Variants in RBFOX1 observed in about 807,000 individuals in gnomAD.
The protein encoded by RBFOX1 is RNA binding protein fox-1 homolog 1.
RBFOX1 carries 8 observed loss-of-function variants against 57.7 expected under a neutral mutation model. The observed-to-expected ratio is 0.14, with a 90% confidence interval of 0.08 to 0.25. The LOEUF (loss-of-function observed/expected upper bound fraction) is 0.25, where lower values mean the gene tolerates loss of function less well. RBFOX1 is among the 10% of genes least tolerant of loss of function. RBFOX1 has a pLI of 1.00. For missense variants in RBFOX1, 611 were observed against 548.5 expected (o/e 1.11, Z -1.14); for synonymous variants, 326 against 222.4 (o/e 1.47, Z -4.15).
chr16:6,381,593 C>G (rs1230989758), intron 2 of RBFOX1, among the ~76,000 whole-genome samples: 2 of 152,172 alleles, frequency 1.3e-5, no homozygotes, highest in African/African-American at 4.8e-5. Context: ...AAGGTCTTGC[C>G]TTTACCTATT....
intron 4 of RBFOX1, among the ~76,000 whole-genome samples, chr16:7,123,401 C>G (rs554320507): frequency 5.9e-5 from 9 of 152,228 alleles, no homozygotes; most frequent in South Asian, 2.1e-4. Context: ...GGCTTCCTCT[C>G]TTGCCCAGGC....
chr16:6,103,074 A>AAAT (rs2096334028), intron 1 of RBFOX1, among the ~76,000 whole-genome samples: 1 of 152,186 alleles, frequency 6.6e-6, no homozygotes, highest in Non-Finnish European at 1.5e-5. Context: ...TCGAAGTTGG[A>AAAT]CACTTGTTGG....
intron 4 of RBFOX1, among the ~76,000 whole-genome samples, chr16:7,437,511 A>C (rs1391700288): frequency 6.6e-6 from 1 of 152,230 alleles, no homozygotes; most frequent in African/African-American, 2.4e-5. Flanking sequence ...ATTAGAGCCA[A>C]GCTGCAGAGT....
At chr16:7,350,920 A>G (rs377352001) in intron 4 of RBFOX1, among the ~76,000 whole-genome samples, 2 of 152,306 alleles carry the variant, frequency 1.3e-5, no homozygotes, top group Non-Finnish European at 2.9e-5. Context: ...AATGCATCCA[A>G]AGGGGTTACA....
At chr16:6,036,967 C>G (rs2095373269) in intron 1 of RBFOX1, among the ~76,000 whole-genome samples, 1 of 152,116 alleles carries the variant, frequency 6.6e-6, no homozygotes, top group Admixed American at 6.6e-5. Flanking sequence ...AACCACTTCA[C>G]CTGTTTTAAC....
At chr16:5,854,694 C>T (rs1309609478) in intron 3 of RBFOX1, among the ~76,000 whole-genome samples, 1 of 152,064 alleles carries the variant, frequency 6.6e-6, no homozygotes, top group African/African-American at 2.4e-5. Context: ...CTGCAGCGAA[C>T]ATGGGGGTGC....
At chr16:7,363,260 A>G (rs776979518) in intron 4 of RBFOX1, among the ~76,000 whole-genome samples, 3 of 152,098 alleles carry the variant, frequency 2.0e-5, no homozygotes, top group East Asian at 1.9e-4. Flanking sequence ...GGGCGGGGGG[A>G]AAACCTCCAG....
At chr16:7,253,680 C>G (rs973230534) in intron 4 of RBFOX1, among the ~76,000 whole-genome samples, 3 of 152,156 alleles carry the variant, frequency 2.0e-5, no homozygotes, top group African/African-American at 7.2e-5. Flanking sequence ...CCTTACCCTA[C>G]TTCTCAGGTG....
chr16:5,878,514 G>A (rs553338922), intron 4 of RBFOX1, among the ~76,000 whole-genome samples: 7 of 152,130 alleles, frequency 4.6e-5, no homozygotes, highest in African/African-American at 1.7e-4. Flanking sequence ...CAGCAAAGAT[G>A]GGGGAAGCAG....
chr16:5,423,841 C>G (rs543424945), intron 1 of RBFOX1, among the ~76,000 whole-genome samples: 63 of 152,288 alleles, frequency 4.1e-4, no homozygotes, highest in African/African-American at 1.5e-3. Flanking sequence ...TCTTCTCGAG[C>G]TCCAGTGGCC....
chr16:6,647,736 G>C (rs918309475), intron 2 of RBFOX1, among the ~76,000 whole-genome samples: 6 of 152,240 alleles, frequency 3.9e-5, no homozygotes, highest in South Asian at 2.1e-4. Context: ...GAGGTGTGAT[G>C]TGTTGCATTT....
chr16:6,387,001 C>T (rs1935398), intron 2 of RBFOX1, among the ~76,000 whole-genome samples: 19,383 of 152,120 alleles, frequency 0.13, 1,464 homozygotes, highest in Middle Eastern at 0.22. Context: ...TCAGAGAGTA[C>T]CCAGGAACAT....
At chr16:6,803,159 A>G (rs1023649847) in intron 3 of RBFOX1, among the ~76,000 whole-genome samples, 1 of 151,982 alleles carries the variant, frequency 6.6e-6, no homozygotes, top group African/African-American at 2.4e-5. Flanking sequence ...TTTAAATGCC[A>G]TGAGTTAGAC....
chr16:5,275,880 C>T (rs942655238), intron 1 of RBFOX1, among the ~76,000 whole-genome samples: 2 of 151,984 alleles, frequency 1.3e-5, no homozygotes, highest in African/African-American at 4.8e-5. Context: ...GAAATAAAGC[C>T]CAATAATTAA....
chr16:6,925,163 T>C (rs1476993832), intron 3 of RBFOX1, among the ~76,000 whole-genome samples: 1 of 127,092 alleles, frequency 7.9e-6, no homozygotes, highest in Non-Finnish European at 1.6e-5. Flanking sequence ...AGATGGAGTT[T>C]TGCTCTCTTG....
At chr16:7,618,219 C>G (rs1284435009) in intron 10 of RBFOX1, among the ~76,000 whole-genome samples, 1 of 152,120 alleles carries the variant, frequency 6.6e-6, no homozygotes, top group Admixed American at 6.5e-5. Context: ...CCATTGAAAG[C>G]TCTATTAAAA....
chr16:5,528,485 C>G (rs566515975), intron 2 of RBFOX1, among the ~76,000 whole-genome samples: 1 of 151,718 alleles, frequency 6.6e-6, no homozygotes. Flanking sequence ...CTGCCTAAAG[C>G]GACAATGGCA....
chr16:5,928,235 CA>C (rs1430458354), intron 4 of RBFOX1, among the ~76,000 whole-genome samples: 3 of 151,630 alleles, frequency 2.0e-5, no homozygotes, highest in African/African-American at 7.3e-5. Context: ...CTGAGATTAC[CA>C]CACCTTGCTA....
intron 10 of RBFOX1, among the ~76,000 whole-genome samples, chr16:7,629,964 AG>A (rs1359719135): frequency 6.6e-6 from 1 of 152,182 alleles, no homozygotes; most frequent in Non-Finnish European, 1.5e-5. Flanking sequence ...GATGGCAAAA[AG>A]TTGCAATTTT....
Sources: allele counts gnomAD v4.1 joint callset (sites outside exome capture counted in the v4.1 genomes callset), GRCh38; gene constraint gnomAD v4.1.1; transcripts MANE v1.5; gene names NCBI Gene and HGNC (gene_info 2026-07-23, HGNC 2026-07-21).